Variants in HPS1 observed in about 807,000 individuals in gnomAD.
HPS1 encodes the protein BLOC-3 complex member HPS1.
In HPS1, 59 loss-of-function variants were observed where a neutral mutation model predicts 90.6. The observed-to-expected ratio is 0.65, with a 90% confidence interval of 0.53 to 0.81. The LOEUF is 0.81. Among genes scored for constraint, HPS1 ranks in the 30% least tolerant of loss-of-function variants. HPS1 has a pLI of 0.00. For synonymous variants in HPS1, 388 were observed against 384.4 expected (o/e 1.01, Z -0.11); for missense variants, 849 against 896.7 (o/e 0.95, Z 0.68).
Position 98,418,203 on chromosome 10 carries a change from T to C in HPS1, c.1912A>G (p.Ile638Val), listed in dbSNP as rs61873899. Residue 638 changes from isoleucine to valine, a missense_variant, in exon 19 of 20, where the codon ATC (isoleucine) becomes GTC (valine). Coordinates refer to ENST00000361490, the MANE Select transcript of HPS1 (RefSeq NM_000195.5). ...TAGTAGTCTCCTCCCAGCATGCCGA[T>C]AGGCACTGAGTCGTCGGAGAGGACG... ...VPVLSDDSVP[I>V]GMLGGDYYRK... 3.8e-5 allele frequency: 61 copies of C among 1,609,638 alleles called. No homozygotes were observed. The highest frequency in any genetic ancestry group is 1.5e-4 in the Admixed American group (9 of 59,706).
chr10:98,422,954 A>G (rs1347089922), intron 16 of HPS1, among the ~76,000 whole-genome samples: 1 of 152,196 alleles, frequency 6.6e-6, no homozygotes, highest in Non-Finnish European at 1.5e-5. Flanking sequence ...TGGGAGGGGA[A>G]GAGACATCCA....
intron 3 of HPS1, among the ~76,000 whole-genome samples, chr10:98,440,395 T>A (rs571162678): frequency 6.6e-6 from 1 of 152,238 alleles, no homozygotes; most frequent in African/African-American, 2.4e-5. Context: ...TATGTCCATA[T>A]GAGGAAAATG....
intron 18 of HPS1, among the ~76,000 whole-genome samples, chr10:98,418,464 C>T (rs111272518): frequency 6.6e-6 from 1 of 152,166 alleles, no homozygotes; most frequent in Non-Finnish European, 1.5e-5. Context: ...CTTCAAGGGC[C>T]GGCAGGGTAG....
At chr10:98,423,487 T>G (rs1845174870) in intron 16 of HPS1, 116 bp downstream of exon 16, 1 of 936,796 alleles carries the variant, frequency 1.1e-6, no homozygotes, top group Non-Finnish European at 1.8e-6. Flanking sequence ...GAGCAGCTGA[T>G]GGGGTGGAAC....
Position 98,425,818 on chromosome 10 carries a change from C to T in HPS1, c.1155G>A (p.Arg385=). 6.2e-7 allele frequency: 1 copy of T among 1,613,578 alleles called. No individual in the cohort carries two copies. Among genetic ancestry groups the T allele is most frequent in the Middle Eastern group, 1.7e-4 (1 of 6,060 alleles). Residue 385 remains arginine (R), a splice_region_variant and synonymous_variant, in exon 12 of 20, where the codon AGG becomes AGA. Transcript: ENST00000361490. The part of the protein sequence containing the change: ...WQGINLVLLT[R]SPSAPLALVL... ...AGGGCAGGGTGAGGGGCTCTCCTAC[C>T]CTGGTCAGGAGCACCAGGTTGATGC...
chr10:98,418,259 T>C lies in HPS1; in HGVS notation c.1858-2A>G. 1.9e-6 allele frequency: 3 copies of C among 1,596,634 alleles called. No homozygotes were observed. Among genetic ancestry groups the C allele is most frequent in the Non-Finnish European group, 2.6e-6 (3 of 1,167,256 alleles). On this transcript the variant is annotated splice_acceptor_variant, in intron 18 of 19. Coordinates refer to ENST00000361490, the MANE Select transcript of HPS1 (RefSeq NM_000195.5). LOFTEE classifies it high-confidence loss of function. The stretch of plus-strand genomic sequence containing the variant: ...CTCGATCATCTGGAGTTTGTACCCC[T>C]GAGGAGGGAGGACAGGGAGGCAGTG...
At position 98,445,885 on chromosome 10, in the gene HPS1, GC is replaced by G. The variant is rs1939418035; in HGVS notation, c.-105-482del. The stretch of plus-strand genomic sequence containing the variant: ...TGCCAAGTCCCATAAACCTCTCTGA[GC>G]CTCAAACTCCTGCGGAGAAACAGAG... On this transcript the variant is annotated intron_variant, in intron 1 of 19. Coordinates refer to ENST00000361490, the MANE Select transcript of HPS1 (RefSeq NM_000195.5). This position sits in a 1 kb window ranked among gnomAD's most constrained non-coding sequence, Gnocchi z 4.5. Among the ~76,000 whole-genome samples the G allele has an allele frequency of 6.6e-6, 1 of 152,206 alleles. No homozygotes were observed. Among genetic ancestry groups the G allele is most frequent in the East Asian group, 1.9e-4 (1 of 5,198 alleles).
downstream of HPS1, chr10:98,414,936 C>T (rs956777565): frequency 5.1e-6 from 8 of 1,558,436 alleles, no homozygotes; most frequent in Admixed American, 8.9e-5. Flanking sequence ...TCCCCCTCCC[C>T]CTCCCCACCA....
chr10:98,432,334 TTTA>T (rs1417655973), intron 6 of HPS1, among the ~76,000 whole-genome samples: 1 of 152,248 alleles, frequency 6.6e-6, no homozygotes, highest in African/African-American at 2.4e-5. Context: ...ACCAGGATTC[TTTA>T]TTATATCTTT....
At chr10:98,439,570 A>G (rs1938033733) in intron 3 of HPS1, among the ~76,000 whole-genome samples, 1 of 152,188 alleles carries the variant, frequency 6.6e-6, no homozygotes, top group Non-Finnish European at 1.5e-5. Flanking sequence ...CATTTACCCA[A>G]TGCCTATACC....
chr10:98,427,037 C>T, intron 11 of HPS1, 178 bp downstream of exon 11: 1 of 564,684 alleles, frequency 1.8e-6, no homozygotes, highest in East Asian at 3.0e-5. Context: ...TTCCTGGACC[C>T]TGCCTCTGGG....
At position 98,426,066 on chromosome 10, in the gene HPS1, A is replaced by G. The variant is rs1382544307; in HGVS notation, c.988-81T>C. 5.6e-6 allele frequency: 7 copies of G among 1,244,680 alleles called. No individual in the cohort carries two copies. In the Admixed American group the frequency reaches 1.1e-4, roughly 19 times the overall value. The allele number at this position is 1,244,680 out of a possible 1,614,324, so 77.1% of individuals were successfully genotyped here. On this transcript the variant is annotated intron_variant, in intron 11 of 19. Transcript: ENST00000361490. ...ATTGCGGCCCTATCTGTGAACCACA[A>G]GAAATAATCATTTTTAGCTCCAAGA...
At chr10:98,423,237 T>A (rs1288151543) in intron 16 of HPS1, among the ~76,000 whole-genome samples, 1 of 151,368 alleles carries the variant, frequency 6.6e-6, no homozygotes, top group Non-Finnish European at 1.5e-5. Flanking sequence ...TGTCATGATC[T>A]AAGAAGGACA....
Position 98,424,165 on chromosome 10 carries a change from C to T in HPS1, c.1397+148G>A, listed in dbSNP as rs1305492072. 6.5e-5 allele frequency: 49 copies of T among 752,882 alleles called. No individual in the cohort carries two copies. The East Asian group carries it at 1.2e-3, about 18-fold the overall frequency. The allele number at this position is 752,882 out of a possible 1,614,324, so 46.6% of individuals were successfully genotyped here. On this transcript the variant is annotated intron_variant, in intron 14 of 19. Coordinates refer to ENST00000361490, the MANE Select transcript of HPS1 (RefSeq NM_000195.5). ...GGGAAGGAGCTTCCCAGCTTCTCCA[C>T]GCGGTGCTCCACGTATGTGGGAAGA...
intron 13 of HPS1, among the ~76,000 whole-genome samples, chr10:98,425,256 T>C (rs564264215): frequency 6.6e-6 from 1 of 152,258 alleles, no homozygotes; most frequent in Non-Finnish European, 1.5e-5. Flanking sequence ...AGCTGCATAA[T>C]CTTGGCCAAG....
downstream of HPS1, chr10:98,415,050 C>T (rs1476847074): frequency 6.2e-7 from 1 of 1,614,056 alleles, no homozygotes. Flanking sequence ...CTTCAGACCT[C>T]CCCTGGCTTC....
At chr10:98,436,405 C>T (rs1429024527) in intron 3 of HPS1, among the ~76,000 whole-genome samples, 3 of 152,118 alleles carry the variant, frequency 2.0e-5, no homozygotes, top group South Asian at 4.1e-4. Flanking sequence ...ATAGAAAAAA[C>T]GAAGTATTGA....
downstream of HPS1, chr10:98,414,805 A>T: frequency 1.5e-6 from 1 of 673,410 alleles, no homozygotes; most frequent in African/African-American, 1.8e-5. Context: ...GCCACACAGC[A>T]GAGCCAGCAC....
Position 98,417,643 on chromosome 10 carries a change from A to G in HPS1, c.2024T>C (p.Ile675Thr). The G allele has an allele frequency of 6.2e-7, 1 of 1,613,602 alleles. No homozygotes were observed. The highest frequency in any genetic ancestry group is 8.5e-7 in the Non-Finnish European group (1 of 1,179,908). The change falls in exon 20 of 20, where the codon ATC (isoleucine) becomes ACC (threonine). Residue 675 changes from isoleucine (I) to threonine (T), a missense_variant. Coordinates refer to ENST00000361490, the MANE Select transcript of HPS1 (RefSeq NM_000195.5). The surrounding 1 kb of genome is among the most constrained non-coding windows in gnomAD (Gnocchi z 4.2). The stretch of plus-strand genomic sequence containing the variant: ...CTGCTGCACCAGCAGGTCAGTGGGG[A>G]TGACAGACAGGTGCAGGGCCAGCAG... ...YELLALHLSV[I>T]PTDLLVQQAG...
Sources: gnomAD v4.1 joint callset for allele counts (sites outside exome capture counted in the v4.1 genomes callset) on GRCh38, gnomAD v4.1.1 for gene constraint, Gnocchi (gnomAD v3.1) non-coding constraint, MANE v1.5 for transcripts, NCBI Gene and HGNC (gene_info 2026-07-23, HGNC 2026-07-21) for gene names.